Variants in C12orf57 observed in about 807,000 individuals in gnomAD.
C12orf57 encodes protein C10.
C12orf57 carries 14 observed loss-of-function variants against 11.3 expected under a neutral mutation model. The ratio of observed to expected loss-of-function variants is 1.24; its 90% CI spans 0.82 to 1.94. C12orf57 has a LOEUF of 1.94. Ranked by LOEUF, C12orf57 falls within the 30% of genes most tolerant of loss-of-function variation. The pLI is 0.00. For synonymous variants in C12orf57, 100 were observed against 74.6 expected (o/e 1.34, Z -1.76); for missense variants, 229 against 172.4 (o/e 1.33, Z -1.84).
chr12:6,943,843 C>A (rs180837208), upstream of C12orf57: 17 of 888,348 alleles, frequency 1.9e-5, no homozygotes, highest in African/African-American at 6.9e-5. Flanking sequence ...TAGAATTTGT[C>A]TAGTAGGCTT....
chr12:6,944,361 C>A, intron 1 of C12orf57, 115 bp from the exon 2 acceptor site: 1 of 1,553,942 alleles, frequency 6.4e-7, no homozygotes, highest in Non-Finnish European at 8.7e-7. Flanking sequence ...GACTTGGGAT[C>A]TTATTGGGTT....
chr12:6,945,318 A>G (rs901611039), intron 2 of C12orf57, among the ~76,000 whole-genome samples: 1 of 152,158 alleles, frequency 6.6e-6, no homozygotes, highest in Non-Finnish European at 1.5e-5. Flanking sequence ...TGTCTGCATG[A>G]CAGCAGTGGC....
chr12:6,944,496 C>T lies in C12orf57; in HGVS notation c.73C>T (p.Gln25Ter), dbSNP rs1010684626. The stretch of plus-strand genomic sequence containing the variant: ...CGCAGTGGTCCTCGCGGAGGTGATC[C>T]AGGCGTTCTCCGCCCCGGAGAATGC... The part of the protein sequence containing the change: ...QAKVVLAEVI[Q>*]AFSAPENAVR... The change falls in exon 2 of 3, where the codon CAG becomes TAG. Residue 25 changes from glutamine to a stop codon, truncating the protein, a stop_gained. Transcript: ENST00000229281. LOFTEE classifies it high-confidence loss of function. 1.2e-6 allele frequency: 2 copies of T among 1,612,772 alleles called. No homozygotes were observed. Among genetic ancestry groups the T allele is most frequent in the Non-Finnish European group, 1.7e-6 (2 of 1,179,912 alleles).
chr12:6,943,524 C>G (rs782031218), upstream of C12orf57: 25 of 1,285,594 alleles, frequency 1.9e-5, no homozygotes, highest in South Asian at 1.2e-4. Flanking sequence ...TGCTCTGGGC[C>G]TTTACTGCCG....
At chr12:6,944,352 A>C (rs1191519268) in intron 1 of C12orf57, 124 bp from the exon 2 acceptor site, 3 of 1,554,808 alleles carry the variant, frequency 1.9e-6, no homozygotes, top group Non-Finnish European at 2.6e-6. Context: ...TGCCCCCAAG[A>C]CTTGGGATCT....
intron 1 of C12orf57, 129 bp downstream of exon 1, chr12:6,944,302 G>A: frequency 1.3e-6 from 2 of 1,587,496 alleles, no homozygotes; most frequent in Non-Finnish European, 8.6e-7. Context: ...GGGAAAATGG[G>A]GTAGGGGACG....
chr12:6,945,983 A>G lies in C12orf57; in HGVS notation c.*61A>G. On this transcript the variant is annotated 3_prime_UTR_variant, in exon 3 of 3. Transcript: ENST00000229281. ...AAAGGCCTTGATGTTCCAGACAATA[A>G]TAAATGCGCCTGTGACTTAGCCTTG... The G allele has an allele frequency of 6.5e-7, 1 of 1,550,156 alleles. No individual in the cohort carries two copies. Among genetic ancestry groups the G allele is most frequent in the Non-Finnish European group, 8.7e-7 (1 of 1,148,946 alleles).
upstream of C12orf57, chr12:6,943,855 C>T (rs781848591): frequency 1.6e-3 from 1,514 of 933,144 alleles, 2 homozygotes; most frequent in Middle Eastern, 4.9e-3. Context: ...AGTAGGCTTT[C>T]TGGCTTTTTA....
upstream of C12orf57, chr12:6,943,903 AGAT>A: frequency 8.9e-7 from 1 of 1,129,764 alleles, no homozygotes; most frequent in Non-Finnish European, 1.2e-6. Flanking sequence ...TGCCAATGAT[AGAT>A]TGTTTTCACT....
rs148483779 is a variant in C12orf57, at chr12:6,944,156, G to A, written c.35G>A (p.Ser12Asn). 89 of 1,614,100 alleles carry A rather than the reference G, an allele frequency of 5.5e-5. 1 individual carries two copies. The highest frequency in any genetic ancestry group is 1.6e-4 in the Middle Eastern group (1 of 6,084). ...GCCTCGACCCAACCGGCGGCCTTGAGCGCTGAGCAAGCAAAGGGTGAGAAT... is the reference window on the plus strand; with the variant it reads ...GCCTCGACCCAACCGGCGGCCTTGAACGCTGAGCAAGCAAAGGGTGAGAAT... Reference protein sequence around the residue: ...ASASTQPAALSAEQAKVVLAE... With the variant: ...ASASTQPAALNAEQAKVVLAE... Residue 12 changes from serine (S) to asparagine (N), a missense_variant, in exon 1 of 3, where the codon AGC becomes AAC. Coordinates refer to ENST00000229281, the MANE Select transcript of C12orf57 (RefSeq NM_138425.4).
At chr12:6,943,924 A>T, upstream of C12orf57, 2 of 1,319,576 alleles carry the variant, frequency 1.5e-6, no homozygotes, top group Non-Finnish European at 2.0e-6. Flanking sequence ...ACTGTGCAAA[A>T]ATTATGGGTA....
rs781967024 is a variant in C12orf57 at position 6,944,148 on chromosome 12, G to A, written c.27G>A (p.Ala9=). Residue 9 remains alanine, a synonymous_variant, in exon 1 of 3, where the codon GCG becomes GCA. Coordinates refer to ENST00000229281, the MANE Select transcript of C12orf57 (RefSeq NM_138425.4). MASASTQP[A]ALSAEQAKVV... Reference sequence around the variant, plus strand: ...TGGCGTCCGCCTCGACCCAACCGGCGGCCTTGAGCGCTGAGCAAGCAAAGG... The same window carrying A: ...TGGCGTCCGCCTCGACCCAACCGGCAGCCTTGAGCGCTGAGCAAGCAAAGG... The A allele has an allele frequency of 2.0e-4, 329 of 1,614,216 alleles. 1 individual carries two copies. In the East Asian group the frequency reaches 6.9e-3, roughly 34 times the overall value.
chr12:6,945,368 G>A (rs967284828), intron 2 of C12orf57, among the ~76,000 whole-genome samples: 1 of 152,128 alleles, frequency 6.6e-6, no homozygotes, highest in Non-Finnish European at 1.5e-5. Context: ...TTTTGTTTGG[G>A]GGGGGTTGGT....
At chr12:6,943,888 T>A (rs916763179), upstream of C12orf57, 5 of 1,054,236 alleles carry the variant, frequency 4.7e-6, no homozygotes, top group East Asian at 2.8e-5. Context: ...TCTTATGATG[T>A]TTGTTGCCAA....
chr12:6,943,942 TG>T, upstream of C12orf57: 1 of 1,426,350 alleles, frequency 7.0e-7, no homozygotes, highest in Non-Finnish European at 9.4e-7. Context: ...GTAGTTTTGG[TG>T]GTCTTGATGC....
chr12:6,945,308 T>C (rs376963497), intron 2 of C12orf57, among the ~76,000 whole-genome samples: 1 of 152,210 alleles, frequency 6.6e-6, no homozygotes. Flanking sequence ...TTTAGTGACA[T>C]GTCTGCATGA....
At chr12:6,943,845 A>T (rs781842057), upstream of C12orf57, 2 of 894,010 alleles carry the variant, frequency 2.2e-6, no homozygotes, top group Non-Finnish European at 3.2e-6. Flanking sequence ...GAATTTGTCT[A>T]GTAGGCTTTC....
chr12:6,945,543 C>T (rs1405409687), intron 2 of C12orf57, among the ~76,000 whole-genome samples: 1 of 152,128 alleles, frequency 6.6e-6, no homozygotes, highest in Non-Finnish European at 1.5e-5. Context: ...GAGCAAGAAG[C>T]ACACTGCCTT....
upstream of C12orf57, chr12:6,943,881 T>TA (rs1945698063): frequency 3.0e-6 from 3 of 1,011,762 alleles, no homozygotes; most frequent in South Asian, 1.7e-5. Context: ...AAGCCCCTCT[T>TA]ATGATGTTTG....
Sources: allele counts gnomAD v4.1 joint callset (sites outside exome capture counted in the v4.1 genomes callset), GRCh38; gene constraint gnomAD v4.1.1; transcripts MANE v1.5; gene names NCBI Gene and HGNC (gene_info 2026-07-23, HGNC 2026-07-21).